Variants in KCNMB2 observed in about 807,000 individuals in gnomAD.
The protein encoded by KCNMB2 is potassium calcium-activated channel subfamily M regulatory beta subunit 2.
Under a neutral mutation model 24.5 loss-of-function variants are expected in KCNMB2, and 9 were observed. The ratio of observed to expected loss-of-function variants is 0.37; its 90% CI spans 0.22 to 0.64. The LOEUF (loss-of-function observed/expected upper bound fraction) is 0.64. Among genes scored for constraint, KCNMB2 ranks in the 30% least tolerant of loss-of-function variants. KCNMB2 has a pLI of 0.63. For synonymous variants in KCNMB2, 109 were observed against 104.4 expected, an observed-to-expected ratio of 1.04 and a Z score of -0.27; for missense variants, 226 against 284.3, an observed-to-expected ratio of 0.79 and a Z score of 1.47.
intron 4 of KCNMB2, among the ~76,000 whole-genome samples, chr3:178,831,254 CA>C (rs1213678532): frequency 6.6e-6 from 1 of 152,010 alleles, no homozygotes; most frequent in Non-Finnish European, 1.5e-5. Context: ...TTTTTAAAGT[CA>C]AAAAATAACA....
intron 1 of KCNMB2, among the ~76,000 whole-genome samples, chr3:178,804,552 A>G (rs765035414): frequency 2.0e-5 from 3 of 152,228 alleles, no homozygotes; most frequent in Non-Finnish European, 4.4e-5. Context: ...GTTCATTAGA[A>G]TAAATATATA....
intron 1 of KCNMB2, among the ~76,000 whole-genome samples, chr3:178,586,853 C>T (rs1217001285): frequency 2.0e-5 from 3 of 151,974 alleles, no homozygotes; most frequent in Non-Finnish European, 4.4e-5. Context: ...CCCAAAATGC[C>T]AATCTTTTCT....
chr3:178,623,799 C>G (rs1719004721), intron 1 of KCNMB2, among the ~76,000 whole-genome samples: 1 of 152,114 alleles, frequency 6.6e-6, no homozygotes. Context: ...GGACCGTATT[C>G]AAGGCCTCAA....
intron 1 of KCNMB2, among the ~76,000 whole-genome samples, chr3:178,710,629 T>A (rs145982120): frequency 7.2e-5 from 11 of 152,164 alleles, no homozygotes; most frequent in Admixed American, 7.2e-4. Context: ...CATATGTGTA[T>A]GTGTGTGCGT....
intron 1 of KCNMB2, among the ~76,000 whole-genome samples, chr3:178,543,806 G>T (rs925339335): frequency 6.6e-6 from 1 of 152,184 alleles, no homozygotes; most frequent in African/African-American, 2.4e-5. Context: ...CTCTCCAAAA[G>T]TGTGTATGTG....
chr3:178,737,012 G>A (rs1388655727), intron 1 of KCNMB2, among the ~76,000 whole-genome samples: 1 of 152,212 alleles, frequency 6.6e-6, no homozygotes, highest in African/African-American at 2.4e-5. Context: ...GCTCATGCCT[G>A]TAATCCCAAC....
intron 1 of KCNMB2, among the ~76,000 whole-genome samples, chr3:178,717,024 C>CT (rs1428789174): frequency 4.6e-5 from 7 of 150,540 alleles, no homozygotes; most frequent in Admixed American, 1.3e-4. Context: ...TATGCCCACA[C>CT]TTTATGTCTG....
At chr3:178,586,538 CTTTTTTTTT>C (rs10677144) in intron 1 of KCNMB2, among the ~76,000 whole-genome samples, 4 of 68,498 alleles carry the variant, frequency 5.8e-5, no homozygotes, top group South Asian at 6.6e-4. Flanking sequence ...TTTTTTCTTT[CTTTTTTTTT>C]TTTTTTTTTT....
intron 1 of KCNMB2, among the ~76,000 whole-genome samples, chr3:178,769,315 T>G (rs149010472): frequency 6.4e-4 from 97 of 152,306 alleles, no homozygotes; most frequent in African/African-American, 2.3e-3. Flanking sequence ...TGTTCTATCA[T>G]GTCTTATGGT....
intron 1 of KCNMB2, among the ~76,000 whole-genome samples, chr3:178,757,840 G>GATATATATAT (rs376531970): frequency 7.2e-5 from 1 of 13,960 alleles, no homozygotes; most frequent in Non-Finnish European, 1.2e-4. Context: ...CATCCAAGAG[G>GATATATATAT]ATATATATAT....
intron 1 of KCNMB2, among the ~76,000 whole-genome samples, chr3:178,725,855 A>G (rs1270120055): frequency 2.6e-5 from 4 of 151,846 alleles, no homozygotes; most frequent in Non-Finnish European, 5.9e-5. Context: ...TTTCTTGTAC[A>G]TAGCATGTAG....
chr3:178,551,548 T>C (rs1459112314), intron 1 of KCNMB2, among the ~76,000 whole-genome samples: 2 of 152,136 alleles, frequency 1.3e-5, no homozygotes, highest in Non-Finnish European at 2.9e-5. Context: ...GGAAAATCCT[T>C]GGAGAAATAG....
At chr3:178,628,145 T>C (rs1437806299) in intron 1 of KCNMB2, among the ~76,000 whole-genome samples, 2 of 152,196 alleles carry the variant, frequency 1.3e-5, no homozygotes, top group Non-Finnish European at 2.9e-5. Context: ...AGAGCTAGAT[T>C]ATTTTGTCTC....
At chr3:178,614,236 C>T (rs1718598583) in intron 1 of KCNMB2, among the ~76,000 whole-genome samples, 1 of 100,900 alleles carries the variant, frequency 9.9e-6, no homozygotes, top group Admixed American at 1.2e-4. Context: ...ATACCTAAGA[C>T]TGGGCTAATT....
Position 178,818,444 on chromosome 3 carries a change from G to A in KCNMB2, c.57-7144G>A, listed in dbSNP as rs144786609. Among the ~76,000 whole-genome samples, 621 of 152,060 alleles carry A rather than the reference G, an allele frequency of 4.1e-3. 1 individual carries two copies. Among genetic ancestry groups the A allele is most frequent in the Non-Finnish European group, 6.4e-3 (435 of 67,982 alleles). On this transcript the variant is annotated intron_variant, in intron 2 of 4. Transcript: ENST00000452583. Reference sequence around the variant, plus strand: ...TTCCACTCCCACTCTCCCCCAACACGCCCCAGTAAATGTTGTTCCCCTCCC... The same window carrying A: ...TTCCACTCCCACTCTCCCCCAACACACCCCAGTAAATGTTGTTCCCCTCCC...
At chr3:178,649,501 C>CT (rs10711859) in intron 1 of KCNMB2, among the ~76,000 whole-genome samples, 212 of 149,228 alleles carry the variant, frequency 1.4e-3, no homozygotes, top group Non-Finnish European at 2.2e-3. Flanking sequence ...TAGTCCTGGG[C>CT]TTTTTTTTTT....
At chr3:178,650,854 T>G (rs1342539776) in intron 1 of KCNMB2, among the ~76,000 whole-genome samples, 1 of 152,070 alleles carries the variant, frequency 6.6e-6, no homozygotes, top group Non-Finnish European at 1.5e-5. Context: ...TGATAAAATT[T>G]AACACCGCTT....
At chr3:178,788,828 T>C (rs1365415943) in intron 1 of KCNMB2, among the ~76,000 whole-genome samples, 1 of 152,220 alleles carries the variant, frequency 6.6e-6, no homozygotes, top group African/African-American at 2.4e-5. Flanking sequence ...TCCACACTTG[T>C]CTGACCTGCT....
chr3:178,813,027 T>A (rs1254561594), intron 2 of KCNMB2, among the ~76,000 whole-genome samples: 1 of 152,210 alleles, frequency 6.6e-6, no homozygotes, highest in Non-Finnish European at 1.5e-5. Context: ...TTATTAGAAT[T>A]TTATAAAATT....
Sources: allele counts gnomAD v4.1 joint callset (sites outside exome capture counted in the v4.1 genomes callset), GRCh38; gene constraint gnomAD v4.1.1; transcripts MANE v1.5; gene names NCBI Gene and HGNC (gene_info 2026-07-23, HGNC 2026-07-21).